KIF6: variants seen among roughly 807,000 people sequenced by gnomAD.
The protein encoded by KIF6 is kinesin-like protein KIF6.
Under a neutral mutation model 112.7 loss-of-function variants are expected in KIF6, and 106 were observed. The ratio of observed to expected loss-of-function variants is 0.94; its 90% CI spans 0.80 to 1.11. The LOEUF (loss-of-function observed/expected upper bound fraction) is 1.11, where lower values mean the gene tolerates loss of function less well. KIF6 is among the 50% of genes least tolerant of loss of function. The pLI is 0.00. For missense variants in KIF6, 929 were observed against 964.0 expected (o/e 0.96, Z 0.48); for synonymous variants, 339 against 339.9 (o/e 1.00, Z 0.03).
At chr6:39,602,251 A>G (rs912066530) in intron 6 of KIF6, among the ~76,000 whole-genome samples, 1 of 152,096 alleles carries the variant, frequency 6.6e-6, no homozygotes, top group Admixed American at 6.6e-5. Context: ...TGGAGAATAG[A>G]CTTTCTTTTA....
intron 3 of KIF6, among the ~76,000 whole-genome samples, chr6:39,692,363 A>G (rs1788263785): frequency 6.6e-6 from 1 of 152,222 alleles, no homozygotes; most frequent in Non-Finnish European, 1.5e-5. Flanking sequence ...AAAACTAAAG[A>G]AAATCAGCTT....
At chr6:39,686,420 AC>A (rs1417461389) in intron 3 of KIF6, among the ~76,000 whole-genome samples, 1 of 152,250 alleles carries the variant, frequency 6.6e-6, no homozygotes, top group Non-Finnish European at 1.5e-5. Context: ...GCAAATGGAA[AC>A]TTTTTAATAA....
At chr6:39,691,596 A>G (rs1345960643) in intron 3 of KIF6, 1 of 152,256 alleles carries the variant, frequency 6.6e-6, no homozygotes, top group Non-Finnish European at 1.5e-5. Flanking sequence ...TGACAATCTT[A>G]TAAAGATTGC....
intron 13 of KIF6, among the ~76,000 whole-genome samples, chr6:39,454,520 A>G (rs1034145131): frequency 5.4e-5 from 8 of 147,002 alleles, no homozygotes; most frequent in African/African-American, 1.6e-4. Flanking sequence ...TAATAGTGAT[A>G]CTGAGAGCAT....
chr6:39,346,785 T>TCCAAGC (rs1763841769), intron 19 of KIF6, among the ~76,000 whole-genome samples: 1 of 152,306 alleles, frequency 6.6e-6, no homozygotes, highest in African/African-American at 2.4e-5. Context: ...GTAGCTGGGA[T>TCCAAGC]TACAAGCATG....
chr6:39,573,684 C>T (rs142536659), intron 10 of KIF6, among the ~76,000 whole-genome samples: 6 of 152,308 alleles, frequency 3.9e-5, no homozygotes, highest in African/African-American at 1.4e-4. Context: ...TTGGGAAATG[C>T]TGAAGTTTAT....
At chr6:39,711,645 C>T (rs1315883532) in intron 3 of KIF6, among the ~76,000 whole-genome samples, 1 of 152,092 alleles carries the variant, frequency 6.6e-6, no homozygotes, top group Non-Finnish European at 1.5e-5. Flanking sequence ...TCAGAAAGTT[C>T]CCCAGTCCTG....
intron 3 of KIF6, among the ~76,000 whole-genome samples, chr6:39,686,708 C>A (rs1787889139): frequency 6.6e-6 from 1 of 152,130 alleles, no homozygotes; most frequent in Admixed American, 6.5e-5. Flanking sequence ...AAAACCAGGA[C>A]CTTCACTATA....
intron 3 of KIF6, among the ~76,000 whole-genome samples, chr6:39,640,195 A>G (rs929374849): frequency 6.6e-6 from 1 of 152,076 alleles, no homozygotes; most frequent in Non-Finnish European, 1.5e-5. Context: ...ATACCTTGCA[A>G]TGTAATTCCC....
chr6:39,399,623 A>G (rs1454199132), intron 15 of KIF6, among the ~76,000 whole-genome samples: 2 of 152,240 alleles, frequency 1.3e-5, no homozygotes, highest in Non-Finnish European at 2.9e-5. Context: ...CTATGGGTCC[A>G]GGCAGTGCTC....
Position 39,510,089 on chromosome 6 carries a change from CTTTTCT to C in KIF6, c.1645+29908_1645+29913del, listed in dbSNP as rs1230145410. ...GGGGGCCAATATTCAACATTCTTTT[CTTTTCT>C]TTTTTTTTTTTTTTTTGAGATGGAG... is the stretch of plus-strand genomic sequence containing the variant. On this transcript the variant is annotated intron_variant, in intron 13 of 22. Transcript: ENST00000287152. Among the ~76,000 whole-genome samples, 140 of 138,366 alleles carry C rather than the reference CTTTTCT, an allele frequency of 1.0e-3. 1 individual carries two copies. The highest frequency in any genetic ancestry group is 2.1e-3 in the South Asian group (9 of 4,196). The allele number at this position is 138,366 out of a possible 152,430, so 90.8% of individuals were successfully genotyped here. A position where few individuals can be genotyped will look rare whatever the true frequency, so the allele number is the denominator to read the frequency against.
chr6:39,633,037 G>A (rs142640172), intron 5 of KIF6, among the ~76,000 whole-genome samples: 46 of 151,948 alleles, frequency 3.0e-4, no homozygotes, highest in Non-Finnish European at 6.2e-4. Context: ...AGATAAGTTT[G>A]CTGTCTAAGG....
intron 9 of KIF6, among the ~76,000 whole-genome samples, chr6:39,579,612 G>C (rs567542472): frequency 6.6e-6 from 1 of 151,822 alleles, no homozygotes; most frequent in Admixed American, 6.6e-5. Context: ...TTTATGTGTT[G>C]TACTTTTGTG....
At chr6:39,644,096 A>T (rs1785043035) in intron 3 of KIF6, among the ~76,000 whole-genome samples, 1 of 152,138 alleles carries the variant, frequency 6.6e-6, no homozygotes, top group Admixed American at 6.6e-5. Context: ...ATAATTGGTC[A>T]TTAGGGAAAT....
At chr6:39,642,140 A>G (rs1206780059) in intron 3 of KIF6, among the ~76,000 whole-genome samples, 3 of 152,174 alleles carry the variant, frequency 2.0e-5, no homozygotes, top group Non-Finnish European at 4.4e-5. Context: ...GAAAAATACT[A>G]GTTAAAAATA....
In KIF6 at chr6:39,370,381, C is replaced by G. The variant is rs79337585; in HGVS notation, c.1862-7863G>C. On this transcript the variant is annotated intron_variant, in intron 16 of 22. Transcript: ENST00000287152. ...AGTAGGGTTCCATTGATTCTCTTGA[C>G]TGGCTAATTAGAGAAATTTCAGGAG... Among the ~76,000 whole-genome samples, 930 of 152,332 alleles carry G rather than the reference C, an allele frequency of 6.1e-3. 9 individuals are homozygous for G. Among genetic ancestry groups the G allele is most frequent in the African/African-American group, 0.021 (874 of 41,566 alleles).
intron 5 of KIF6, chr6:39,620,360 T>C (rs1783747096): frequency 6.6e-6 from 1 of 152,198 alleles, no homozygotes; most frequent in Non-Finnish European, 1.5e-5. Context: ...ACAAATTATG[T>C]ACTCAAGTTT....
intron 10 of KIF6, among the ~76,000 whole-genome samples, chr6:39,577,551 G>A (rs1362030954): frequency 3.3e-5 from 5 of 152,318 alleles, no homozygotes; most frequent in East Asian, 1.9e-4. Flanking sequence ...GAAAGATGCC[G>A]CAGTTGTATA....
At chr6:39,417,219 TA>T (rs1769985319) in intron 15 of KIF6, among the ~76,000 whole-genome samples, 2 of 152,220 alleles carry the variant, frequency 1.3e-5, no homozygotes, top group African/African-American at 4.8e-5. Flanking sequence ...GATGGCAGGC[TA>T]CTCCCTGAGG....
Sources: gnomAD v4.1 joint callset for allele counts (sites outside exome capture counted in the v4.1 genomes callset) on GRCh38, gnomAD v4.1.1 for gene constraint, MANE v1.5 for transcripts, NCBI Gene and HGNC (gene_info 2026-07-23, HGNC 2026-07-21) for gene names.